Variants in AKAP9 observed in about 807,000 individuals in gnomAD.
AKAP9 encodes the protein A-kinase anchoring protein 9.
A neutral mutation model predicts 488.5 loss-of-function variants in AKAP9; 311 were observed. That is an observed-to-expected ratio of 0.64 (90% CI 0.58 to 0.70). AKAP9 has a LOEUF of 0.70. Among genes scored for constraint, AKAP9 ranks in the 30% least tolerant of loss-of-function variants. The pLI is 0.00. For synonymous variants in AKAP9, 1,462 were observed against 1,483.5 expected (o/e 0.99, Z 0.33); for missense variants, 4,215 against 4,374.5 (o/e 0.96, Z 1.03).
chr7:92,077,811 T>C lies in AKAP9; in HGVS notation c.6881T>C (p.Ile2294Thr), dbSNP rs756079297. Residue 2294 changes from isoleucine (I) to threonine (T), a missense_variant, in exon 30 of 50, where the codon ATT becomes ACT. Ile to Thr is a moderately conservative substitution (Grantham distance 89). This residue lies in a region of AKAP9 where 1,476 missense variants were observed against 1,477.4 expected (regional missense o/e 1.00). Coordinates refer to ENST00000356239, the MANE Select transcript of AKAP9 (RefSeq NM_005751.5). ...ATAATACAGGAAAAAGAGGTAGAAA[T>C]TGACCAATTAAATGAACAAGTTACG... ...AQIIQEKEVEIDQLNEQVTKL... is the reference protein window; with the variant it reads ...AQIIQEKEVETDQLNEQVTKL... 4 of 1,613,736 alleles carry C rather than the reference T, an allele frequency of 2.5e-6. No individual in the cohort carries two copies. The highest frequency in any genetic ancestry group is 3.4e-6 in the Non-Finnish European group (4 of 1,179,864).
Position 91,995,668 on chromosome 7 carries a change from CA to C in AKAP9, c.801del (p.Lys267AsnfsTer18). ...SSTAADLLQAKQQILTHQQQL... is the reference protein window; with the variant it reads ...SSTAADLLQAXQQILTHQQQL... ...GCACAGCTGCAGACTTACTACAAGC[CA>C]AACAACAGATCCTCACTCATCAACA... is the stretch of plus-strand genomic sequence containing the variant. On this transcript the variant is annotated frameshift_variant, in exon 7 of 50. Coordinates refer to ENST00000356239, the MANE Select transcript of AKAP9 (RefSeq NM_005751.5). LOFTEE classifies it high-confidence loss of function. 1 of 1,614,092 alleles carries C rather than the reference CA, an allele frequency of 6.2e-7. No homozygotes were observed. Among genetic ancestry groups the C allele is most frequent in the Non-Finnish European group, 8.5e-7 (1 of 1,180,012 alleles).
At chr7:92,083,099 C>T in intron 32 of AKAP9, 71 bp from the exon 33 acceptor site, 11 of 1,549,330 alleles carry the variant, frequency 7.1e-6, no homozygotes, top group Middle Eastern at 3.4e-4. Context: ...CCTCCCACAC[C>T]CTTTAAATTC....
At position 92,023,016 on chromosome 7, in the gene AKAP9, A is replaced by C; in HGVS notation, c.4148+7A>C. ...AGTCCACGGTTCCGCCAAGGTATTC[A>C]TCTGCTTATAGCTTCATTCAACAGT... On this transcript the variant is annotated splice_region_variant and intron_variant, in intron 14 of 49. Coordinates refer to ENST00000356239, the MANE Select transcript of AKAP9 (RefSeq NM_005751.5). 6.2e-7 allele frequency: 1 copy of C among 1,610,216 alleles called. No individual in the cohort carries two copies. The highest frequency in any genetic ancestry group is 8.5e-7 in the Non-Finnish European group (1 of 1,176,466).
At position 92,083,214 on chromosome 7, in the gene AKAP9, A is replaced by G. The variant is rs780002980; in HGVS notation, c.8205A>G (p.Gln2735=). The G allele has an allele frequency of 9.9e-6, 16 of 1,614,012 alleles. No individual in the cohort carries two copies. The Admixed American group carries it at 1.3e-4, about 13-fold the overall frequency. Residue 2735 remains glutamine (Q), a synonymous_variant, in exon 33 of 50, where the codon CAA becomes CAG. Transcript: ENST00000356239. Reference sequence around the variant, plus strand: ...CATCTCTTCAGAAAGACTTAAGCCAAGTTAGGGATCACCTCGCAGAGGCAA... The same window carrying G: ...CATCTCTTCAGAAAGACTTAAGCCAGGTTAGGGATCACCTCGCAGAGGCAA... ...NMTSLQKDLS[Q]VRDHLAEAKE...
In AKAP9 at chr7:92,101,056, G is replaced by A; in HGVS notation, c.11097G>A (p.Lys3699=). 6.2e-7 allele frequency: 1 copy of A among 1,612,406 alleles called. No homozygotes were observed. Among genetic ancestry groups the A allele is most frequent in the Non-Finnish European group, 8.5e-7 (1 of 1,179,658 alleles). ...CTGATTCTGAACATGTCACTTTAAA[G>A]GTAGGAGACATCTCCCATCTAAACA... ...LSPDSEHVTL[K]RIYGKYLRAE... Residue 3699 remains lysine (K), a splice_region_variant and synonymous_variant, in exon 45 of 50, where the codon AAG becomes AAA. Transcript: ENST00000356239.
intron 22 of AKAP9, among the ~76,000 whole-genome samples, chr7:92,059,547 G>A (rs1218487846): frequency 4.0e-5 from 6 of 151,586 alleles, no homozygotes; most frequent in Non-Finnish European, 8.9e-5. Context: ...GAACATAGAA[G>A]CAAAGGCTTA....
At position 92,102,167 on chromosome 7, in the gene AKAP9, AAAAAAATAAAT is replaced by A. The variant is rs1390830991; in HGVS notation, c.11098-423_11098-413del. ...TGAGACTCCGTCTCATAAATTTAAAAAAAAAATAAATAAATAAATAAATAAATAAATAAATA... is the reference window on the plus strand; with the variant it reads ...TGAGACTCCGTCTCATAAATTTAAAAAAATAAATAAATAAATAAATAAATA... On this transcript the variant is annotated intron_variant, in intron 45 of 49. Transcript: ENST00000356239. Among the ~76,000 whole-genome samples, 69 of 82,818 alleles carry A rather than the reference AAAAAAATAAAT, an allele frequency of 8.3e-4. No individual in the cohort carries two copies. The East Asian group carries it at 0.02, about 24-fold the overall frequency. 54.3% of individuals were successfully genotyped at this position (82,818 alleles called of 152,430 possible). A position where few individuals can be genotyped will look rare whatever the true frequency, so the allele number is the denominator to read the frequency against.
rs1325858837 is a variant in AKAP9, at chr7:92,065,390, C to A, written c.6137C>A (p.Thr2046Asn). 1 of 1,612,850 alleles carries A rather than the reference C, an allele frequency of 6.2e-7. No individual in the cohort carries two copies. The change falls in exon 25 of 50, where the codon ACT (threonine) becomes AAT (asparagine). Residue 2046 changes from threonine (T) to asparagine (N), a missense_variant. By Grantham distance (65) the Thr-to-Asn change is moderately conservative. Around this residue, in one of 5 missense-constraint regions of AKAP9, gnomAD observed 2,361 missense variants for 2,430.0 expected, o/e 0.97. Coordinates refer to ENST00000356239, the MANE Select transcript of AKAP9 (RefSeq NM_005751.5). ...ATAGAGCTGGAACAAGAAAAAAATA[C>A]TGAACTAATGGATTTAAGACAGCAA... ...RFIELEQEKN[T>N]ELMDLRQQNQ...
At chr7:91,993,164 TTTTTC>T (rs1222256908) in intron 5 of AKAP9, 109 bp downstream of exon 5, 47 of 1,190,378 alleles carry the variant, frequency 3.9e-5, no homozygotes, top group Non-Finnish European at 5.3e-5. Context: ...TTTTTTAACT[TTTTTC>T]TTTTCTTTTC....
intron 3 of AKAP9, among the ~76,000 whole-genome samples, chr7:91,986,347 C>T (rs917552313): frequency 4.1e-4 from 63 of 152,178 alleles, no homozygotes; most frequent in African/African-American, 1.4e-3. Context: ...ACCCCTTACT[C>T]TTCCTGGGTG....
rs372040821 is a variant in AKAP9, at chr7:92,081,473, T to TTA, written c.8020-1025_8020-1024dup. On this transcript the variant is annotated intron_variant, in intron 31 of 49. Coordinates refer to ENST00000356239, the MANE Select transcript of AKAP9 (RefSeq NM_005751.5). ...ACACGCACCACCACACCCGGCTAAT[T>TTA]TATATATATATATATATATATATAT... Among the ~76,000 whole-genome samples, 386 of 120,390 alleles carry TTA rather than the reference T, an allele frequency of 3.2e-3. 2 individuals carry two copies. Among genetic ancestry groups the TTA allele is most frequent in the Non-Finnish European group, 5.2e-3 (312 of 60,460 alleles). 79.0% of individuals were successfully genotyped at this position (120,390 alleles called of 152,430 possible).
chr7:92,077,096 CTTTTTT>C, intron 29 of AKAP9, 89 bp downstream of exon 29: 1 of 256,428 alleles, frequency 3.9e-6, no homozygotes, highest in Non-Finnish European at 6.1e-6. Context: ...TTATTTCTTT[CTTTTTT>C]TTTTTTTTTT....
chr7:92,020,928 A>G (rs916697908), intron 12 of AKAP9, among the ~76,000 whole-genome samples: 7 of 152,146 alleles, frequency 4.6e-5, no homozygotes, highest in African/African-American at 1.4e-4. Flanking sequence ...AGCTGCTTCT[A>G]CAGTATCCTT....
At chr7:92,048,949 A>C (rs1304253794) in intron 21 of AKAP9, among the ~76,000 whole-genome samples, 1 of 152,206 alleles carries the variant, frequency 6.6e-6, no homozygotes, top group East Asian at 1.9e-4. Flanking sequence ...CCAGGGCTTC[A>C]GTACAGTTTT....
intron 22 of AKAP9, among the ~76,000 whole-genome samples, chr7:92,054,986 A>G (rs1335371864): frequency 6.6e-6 from 1 of 152,068 alleles, no homozygotes; most frequent in East Asian, 1.9e-4. Flanking sequence ...GATCAGGTAG[A>G]AATCAAAACC....
intron 35 of AKAP9, among the ~76,000 whole-genome samples, chr7:92,085,194 G>A (rs1239215708): frequency 6.6e-6 from 1 of 152,016 alleles, no homozygotes; most frequent in African/African-American, 2.4e-5. Context: ...TTTTAAAGTA[G>A]TCTCAAAGAG....
At chr7:91,964,943 T>C (rs1008071259) in intron 1 of AKAP9, among the ~76,000 whole-genome samples, 2 of 152,192 alleles carry the variant, frequency 1.3e-5, no homozygotes, top group African/African-American at 4.8e-5. Context: ...TGGGAATACA[T>C]GTGATAATTT....
At chr7:92,063,676 C>A (rs561998201) in intron 24 of AKAP9, among the ~76,000 whole-genome samples, 1 of 152,242 alleles carries the variant, frequency 6.6e-6, no homozygotes, top group African/African-American at 2.4e-5. Context: ...AATAAAAGTA[C>A]AAATTTTCAT....
intron 1 of AKAP9, among the ~76,000 whole-genome samples, chr7:91,949,889 T>C (rs552784353): frequency 1.3e-5 from 2 of 152,334 alleles, no homozygotes; most frequent in East Asian, 1.9e-4. Context: ...AAGATTCTTA[T>C]TGTGGTTTAC....
Sources: allele counts gnomAD v4.1 joint callset (sites outside exome capture counted in the v4.1 genomes callset), GRCh38; gene constraint gnomAD v4.1.1; regional missense constraint gnomAD v4.1.1; transcripts MANE v1.5; gene names NCBI Gene and HGNC (gene_info 2026-07-23, HGNC 2026-07-21).